The following HLCS variants were observed in gnomAD, a reference collection of about 807,000 sequenced individuals.
The protein encoded by HLCS is biotin--protein ligase.
Under a neutral mutation model 75.0 loss-of-function variants are expected in HLCS, and 53 were observed. That is an observed-to-expected ratio of 0.71 (90% CI 0.57 to 0.89). The LOEUF (loss-of-function observed/expected upper bound fraction) is 0.89, where lower values mean the gene tolerates loss of function less well. HLCS is among the 40% of genes least tolerant of loss of function. The pLI is 0.00. For synonymous variants in HLCS, 431 were observed against 428.6 expected (o/e 1.01, Z -0.07); for missense variants, 966 against 1,074.0 (o/e 0.90, Z 1.41).
chr21:36,877,995 C>G (rs1316227150), intron 6 of HLCS, among the ~76,000 whole-genome samples: 1 of 151,858 alleles, frequency 6.6e-6, no homozygotes, highest in African/African-American at 2.4e-5. Context: ...CCTCAGATTA[C>G]TTTCAGTACT....
chr21:36,952,788 T>C (rs2067730990), intron 2 of HLCS, among the ~76,000 whole-genome samples: 2 of 74,232 alleles, frequency 2.7e-5, no homozygotes, highest in South Asian at 8.7e-4. Context: ...AGACTCCGTC[T>C]CAAAAAAAAA....
intron 5 of HLCS, among the ~76,000 whole-genome samples, chr21:36,927,239 TC>T (rs2146479398): frequency 6.6e-6 from 1 of 152,332 alleles, no homozygotes; most frequent in Admixed American, 6.5e-5. Flanking sequence ...AAGCCCTGCT[TC>T]CTCTTGGTAT....
chr21:36,776,671 C>A (rs776707017), intron 6 of HLCS, among the ~76,000 whole-genome samples: 1 of 152,212 alleles, frequency 6.6e-6, no homozygotes, highest in African/African-American at 2.4e-5. Flanking sequence ...TCTCAGCCCC[C>A]CAAAGTGCTG....
chr21:36,764,680 G>A (rs1201746813), intron 8 of HLCS, among the ~76,000 whole-genome samples: 1 of 152,124 alleles, frequency 6.6e-6, no homozygotes, highest in African/African-American at 2.4e-5. Context: ...ACTCCAGCGT[G>A]GGTGACAGAG....
In HLCS at chr21:36,795,068, A is replaced by G. The variant is rs182034703; in HGVS notation, c.1893-27783T>C. ...TATCGTGGAGATGGTTCTTAGAACC[A>G]TGGGACCAGGAGAGGTCAGCCAGCG... On this transcript the variant is annotated intron_variant, in intron 6 of 10. Coordinates refer to ENST00000674895, the MANE Select transcript of HLCS (RefSeq NM_001352514.2). 2.4e-3 allele frequency among the ~76,000 whole-genome samples: 361 copies of G among 152,234 alleles called. 9 individuals carry two copies. The highest frequency in any genetic ancestry group is 0.02 in the Admixed American group (313 of 15,278).
intron 6 of HLCS, among the ~76,000 whole-genome samples, chr21:36,779,650 T>C (rs1193667486): frequency 1.3e-5 from 2 of 152,230 alleles, no homozygotes; most frequent in Admixed American, 6.5e-5. Context: ...ACAGTTTTTT[T>C]TGCCCTTAGC....
chr21:36,757,648 G>A (rs899350374), intron 9 of HLCS, among the ~76,000 whole-genome samples: 4 of 152,136 alleles, frequency 2.6e-5, no homozygotes, highest in Admixed American at 6.5e-5. Context: ...AGCCTTCCCG[G>A]CAAGTGTCCT....
At chr21:36,775,568 C>T (rs191881800) in intron 6 of HLCS, among the ~76,000 whole-genome samples, 1 of 152,358 alleles carries the variant, frequency 6.6e-6, no homozygotes, top group East Asian at 1.9e-4. Flanking sequence ...CCTCTGACGG[C>T]GAGCCTTCAC....
At chr21:36,888,690 C>T (rs868545113) in intron 6 of HLCS, among the ~76,000 whole-genome samples, 21 of 151,246 alleles carry the variant, frequency 1.4e-4, no homozygotes, top group Admixed American at 1.4e-3. Flanking sequence ...GGCGCATCAC[C>T]AGGTCAAAGG....
intron 7 of HLCS, 35 bp downstream of exon 7, chr21:36,767,183 A>C: frequency 6.2e-7 from 1 of 1,605,172 alleles, no homozygotes; most frequent in Non-Finnish European, 8.5e-7. Flanking sequence ...TTTAGAAAAC[A>C]GAAGTAACAG....
Position 36,985,869 on chromosome 21 carries a change from C to T in HLCS, c.-393+4289G>A, listed in dbSNP as rs1367217847. On this transcript the variant is annotated intron_variant, in intron 1 of 11. Coordinates refer to the HLCS transcript ENST00000336648. The stretch of plus-strand genomic sequence containing the variant: ...TCCAATTCAGGTTATGCATTTTTGG[C>T]ACAGGATGTCAGTTCAAATTGATGA... 3.3e-5 allele frequency among the ~76,000 whole-genome samples: 5 copies of T among 152,018 alleles called. No homozygotes were observed. In the South Asian group the frequency reaches 1.0e-3, roughly 32 times the overall value.
At position 36,907,538 on chromosome 21, in the gene HLCS, C is replaced by A. The variant is rs145473975; in HGVS notation, c.1621-10407G>T. 6.1e-3 allele frequency among the ~76,000 whole-genome samples: 934 copies of A among 152,186 alleles called. 2 individuals are homozygous for A. The highest frequency in any genetic ancestry group is 9.6e-3 in the Non-Finnish European group (652 of 68,008). ...AGGCATGGTGGCATGAACCTGTAAT[C>A]CCAGCTACTTAGGAGGCTGAGGCAG... On this transcript the variant is annotated intron_variant, in intron 5 of 10. Transcript: ENST00000674895.
rs751515728 is a variant in HLCS at position 36,930,403 on chromosome 21, T to C, written c.1468A>G (p.Ile490Val). The part of the protein sequence containing the change: ...VHLELPPSSN[I>V]VQTPEDFNLL... ...TTAAAATCTTCTGGAGTTTGCACTA[T>C]GTTGGAGCTGGGAGGTAGTTCTAAG... is the stretch of plus-strand genomic sequence containing the variant. The change falls in exon 5 of 11, where the codon ATA (isoleucine) becomes GTA (valine). Residue 490 changes from isoleucine (I) to valine (V), a missense_variant. Physicochemically the swap from Ile to Val is conservative, Grantham distance 29. Transcript: ENST00000674895. 2 of 1,614,186 alleles carry C rather than the reference T, an allele frequency of 1.2e-6. No individual in the cohort carries two copies. The highest frequency in any genetic ancestry group is 1.7e-6 in the Non-Finnish European group (2 of 1,180,036).
chr21:36,822,719 CT>C (rs1046949650), intron 6 of HLCS, among the ~76,000 whole-genome samples: 1 of 152,140 alleles, frequency 6.6e-6, no homozygotes, highest in Non-Finnish European at 1.5e-5. Flanking sequence ...TTAATGCTAA[CT>C]ATTAATTTTA....
At chr21:36,896,831 G>C in intron 6 of HLCS, 29 bp downstream of exon 6, 3 of 1,612,786 alleles carry the variant, frequency 1.9e-6, no homozygotes, top group Non-Finnish European at 2.5e-6. Context: ...GGACTCCTCT[G>C]AGCAGATGCA....
chr21:36,768,858 C>T (rs780343940), intron 6 of HLCS, among the ~76,000 whole-genome samples: 1 of 152,186 alleles, frequency 6.6e-6, no homozygotes, highest in Non-Finnish European at 1.5e-5. Flanking sequence ...GAGTCTTTGT[C>T]TGTGCAGGGA....
At chr21:36,946,643 T>C (rs1203241387) in intron 2 of HLCS, among the ~76,000 whole-genome samples, 1 of 151,940 alleles carries the variant, frequency 6.6e-6, no homozygotes, top group Non-Finnish European at 1.5e-5. Flanking sequence ...AAAAAAAAAC[T>C]TGAGAAACAT....
At chr21:36,967,107 GGAGGCGGATTGAGGAGGGGGCT>G (rs2068642250), upstream of HLCS, among the ~76,000 whole-genome samples, 1 of 152,080 alleles carries the variant, frequency 6.6e-6, no homozygotes, top group African/African-American at 2.4e-5. Context: ...TGGAGGGGTG[GGAGGCGGATTGAGGAGGGGGCT>G]CTGCCTATGT....
Position 36,750,204 on chromosome 21 carries a change from A to G in HLCS, c.*4042T>C, listed in dbSNP as rs1192842556. 6.6e-6 allele frequency among the ~76,000 whole-genome samples: 1 copy of G among 152,178 alleles called. No homozygotes were observed. The highest frequency in any genetic ancestry group is 1.5e-5 in the Non-Finnish European group (1 of 68,028). On this transcript the variant is annotated 3_prime_UTR_variant, in exon 11 of 11. Coordinates refer to ENST00000674895, the MANE Select transcript of HLCS (RefSeq NM_001352514.2). The stretch of plus-strand genomic sequence containing the variant: ...AGGGGAAGAGGAAGCATTTTAATAC[A>G]TATGCCTCTCTTTTACAAAAAAGAA...
Sources: allele counts gnomAD v4.1 joint callset (sites outside exome capture counted in the v4.1 genomes callset), GRCh38; gene constraint gnomAD v4.1.1; transcripts MANE v1.5; gene names NCBI Gene and HGNC (gene_info 2026-07-23, HGNC 2026-07-21).